CA6: variants seen among roughly 807,000 people sequenced by gnomAD.
CA6 encodes the protein carbonate dehydratase VI.
CA6 carries 28 observed loss-of-function variants against 35.9 expected under a neutral mutation model. That is an observed-to-expected ratio of 0.78 (90% CI 0.58 to 1.07). The LOEUF is 1.07. Ranked by LOEUF, CA6 falls within the 50% of genes least tolerant of loss-of-function variation. The probability of loss-of-function intolerance (pLI) is 0.00; values close to 1 mark genes in which losing one functional copy is unlikely to be tolerated. For synonymous variants in CA6, 148 were observed against 152.6 expected (o/e 0.97, Z 0.22); for missense variants, 377 against 382.0 (o/e 0.99, Z 0.11).
Position 8,962,459 on chromosome 1 carries a change from G to A in CA6, c.502-128G>A, listed in dbSNP as rs569607996. 53 of 748,500 alleles carry A rather than the reference G, an allele frequency of 7.1e-5. No homozygotes were observed. The African/African-American group carries it at 8.3e-4, about 12-fold the overall frequency. The allele number at this position is 748,500 out of a possible 1,614,324, so 46.4% of individuals were successfully genotyped here. A position where few individuals can be genotyped will look rare whatever the true frequency, so the allele number is the denominator to read the frequency against. ...GACTGTCTCTGCCAAAACACAAGAC[G>A]GCACAGGCTGCCTCTCCTTACTCTC... On this transcript the variant is annotated intron_variant, in intron 4 of 7. Transcript: ENST00000377443.
chr1:8,971,446 G>C (rs147972549), intron 7 of CA6, among the ~76,000 whole-genome samples: 2,451 of 151,668 alleles, frequency 0.016, 65 homozygotes, highest in African/African-American at 0.056. Flanking sequence ...CCAGTAGCTG[G>C]GACTACAGGC....
At chr1:8,956,938 T>A (rs1288044180) in intron 2 of CA6, among the ~76,000 whole-genome samples, 199 bp from the exon 3 acceptor site, 2 of 152,186 alleles carry the variant, frequency 1.3e-5, no homozygotes, top group Non-Finnish European at 2.9e-5. Context: ...CTGGCCTCCA[T>A]CCTGACCTCA....
Position 8,963,099 on chromosome 1 carries a change from C to T in CA6, c.571+443C>T, listed in dbSNP as rs139857280. Among the ~76,000 whole-genome samples the T allele has an allele frequency of 3.7e-4, 56 of 152,240 alleles. No homozygotes were observed. The East Asian group carries it at 9.7e-3, about 26-fold the overall frequency. On this transcript the variant is annotated intron_variant, in intron 5 of 7. Coordinates refer to ENST00000377443, the MANE Select transcript of CA6 (RefSeq NM_001215.4). The surrounding 1 kb of genome is among the most constrained non-coding windows in gnomAD (Gnocchi z 4.1). ...CCGTCCCCTCTCCTCCAGAGGGCGG[C>T]GTTCTTGTAAGAGCCATTTCCCACC... is the stretch of plus-strand genomic sequence containing the variant.
chr1:8,973,166 C>G (rs773380454), intron 7 of CA6, among the ~76,000 whole-genome samples: 1 of 152,088 alleles, frequency 6.6e-6, no homozygotes, highest in African/African-American at 2.4e-5. Flanking sequence ...ATTACAGGCA[C>G]GCGCCCCCAC....
At chr1:8,969,112 G>C (rs112818450) in intron 6 of CA6, among the ~76,000 whole-genome samples, 1 of 151,818 alleles carries the variant, frequency 6.6e-6, no homozygotes. Flanking sequence ...TCAGGGGTTC[G>C]AGACCAGCCT....
intron 7 of CA6, 70 bp downstream of exon 7, chr1:8,971,051 C>G (rs999378277): frequency 9.9e-7 from 1 of 1,014,038 alleles, no homozygotes; most frequent in Admixed American, 1.7e-5. Flanking sequence ...CTAGGTGGAC[C>G]CATCTCTTCT....
At position 8,974,677 on chromosome 1, in the gene CA6, T is replaced by C; in HGVS notation, c.900T>C (p.Leu300=). Residue 300 remains leucine, a synonymous_variant, in exon 8 of 8, where the codon CTT becomes CTC. Coordinates refer to ENST00000377443, the MANE Select transcript of CA6 (RefSeq NM_001215.4). The part of the protein sequence containing the change: ...QFYLHKIEEI[L]DYLRRALN ...ACCTACATAAGATTGAGGAAATTCT[T>C]GACTACTTAAGAAGAGCATTGAACT... 6.2e-7 allele frequency: 1 copy of C among 1,604,878 alleles called. No individual in the cohort carries two copies. Among genetic ancestry groups the C allele is most frequent in the Non-Finnish European group, 8.5e-7 (1 of 1,174,798 alleles).
chr1:8,961,789 T>C (rs1181429988), intron 4 of CA6, among the ~76,000 whole-genome samples: 1 of 152,228 alleles, frequency 6.6e-6, no homozygotes, highest in East Asian at 1.9e-4. Flanking sequence ...TTAAAGTCAA[T>C]ACTCATTCAG....
Position 8,974,703 on chromosome 1 carries a change from G to C in CA6, c.926G>C (p.Ter309SerextTer11), listed in dbSNP as rs1365193281. The C allele has an allele frequency of 6.3e-7, 1 of 1,582,924 alleles. No homozygotes were observed. ...ILDYLRRALN* is the reference protein window; with the variant it reads ...ILDYLRRALNS ...GACTACTTAAGAAGAGCATTGAACTGAGGAAAGCTAAGAGGAAGATTCAAT... is the reference window on the plus strand; with the variant it reads ...GACTACTTAAGAAGAGCATTGAACTCAGGAAAGCTAAGAGGAAGATTCAAT... Residue 309 changes from the stop codon to serine (S), a stop_lost, in exon 8 of 8, where the codon TGA (stop) becomes TCA (serine). Transcript: ENST00000377443.
intron 1 of CA6, among the ~76,000 whole-genome samples, chr1:8,947,484 C>T (rs112535694): frequency 4.4e-4 from 67 of 152,210 alleles, no homozygotes; most frequent in African/African-American, 1.3e-3. Context: ...TGAACAACCG[C>T]TCTGTTCCTG....
chr1:8,967,963 C>CT (rs34107058), intron 6 of CA6, 147 bp downstream of exon 6: 61,082 of 294,380 alleles, frequency 0.21, 5,641 homozygotes, highest in African/African-American at 0.4. Flanking sequence ...TCTAGCCAAC[C>CT]TTTTTTTTTT....
At chr1:8,958,788 T>C in intron 3 of CA6, 122 bp from the exon 4 acceptor site, 1 of 563,786 alleles carries the variant, frequency 1.8e-6, no homozygotes, top group South Asian at 2.7e-5. Flanking sequence ...TCCAAGTTGC[T>C]TGTGTGGAAC....
intron 2 of CA6, among the ~76,000 whole-genome samples, chr1:8,950,136 T>C (rs984468391): frequency 6.0e-5 from 9 of 149,110 alleles, no homozygotes; most frequent in Admixed American, 3.9e-4. Flanking sequence ...TGCACCACCA[T>C]GCCCAGCTAA....
intron 1 of CA6, among the ~76,000 whole-genome samples, chr1:8,947,095 C>T (rs763458926): frequency 1.3e-5 from 2 of 152,048 alleles, no homozygotes; most frequent in South Asian, 2.1e-4. Flanking sequence ...TGAGCCACCG[C>T]GCCAGGCCCC....
chr1:8,966,156 C>T (rs1639961725), intron 5 of CA6, among the ~76,000 whole-genome samples: 1 of 151,900 alleles, frequency 6.6e-6, no homozygotes, highest in African/African-American at 2.4e-5. Context: ...CTCGCTGGGG[C>T]GGGAGTGCAG....
At chr1:8,960,399 A>C (rs910496807) in intron 4 of CA6, among the ~76,000 whole-genome samples, 2 of 146,084 alleles carry the variant, frequency 1.4e-5, no homozygotes, top group African/African-American at 5.0e-5. Context: ...GAGAAAAATT[A>C]AAAAAAAAAA....
intron 4 of CA6, among the ~76,000 whole-genome samples, chr1:8,959,276 C>T (rs1639770942): frequency 6.6e-6 from 1 of 151,682 alleles, no homozygotes; most frequent in African/African-American, 2.4e-5. Context: ...AAGGGGAAAC[C>T]TGCAACTCAG....
intron 7 of CA6, among the ~76,000 whole-genome samples, chr1:8,973,780 CTT>C (rs1218698914): frequency 9.1e-5 from 2 of 22,086 alleles, no homozygotes; most frequent in African/African-American, 4.5e-4. Flanking sequence ...TTCTTTCTTT[CTT>C]TCTTTTCCCT....
chr1:8,955,184 G>T (rs993432106), intron 2 of CA6, among the ~76,000 whole-genome samples: 1 of 152,138 alleles, frequency 6.6e-6, no homozygotes, highest in Admixed American at 6.6e-5. Flanking sequence ...AGACCAGCCT[G>T]GGCAACATGG....
Sources: allele counts gnomAD v4.1 joint callset (sites outside exome capture counted in the v4.1 genomes callset), GRCh38; gene constraint gnomAD v4.1.1; non-coding constraint Gnocchi (gnomAD v3.1); transcripts MANE v1.5; gene names NCBI Gene and HGNC (gene_info 2026-07-23, HGNC 2026-07-21).